Variants in RASGRF2 observed in about 807,000 individuals in gnomAD.
RASGRF2 encodes the protein ras-specific guanine nucleotide-releasing factor 2.
In RASGRF2, 76 loss-of-function variants were observed where a neutral mutation model predicts 151.0. The observed-to-expected ratio is 0.50, with a 90% CI of 0.42 to 0.61. The LOEUF (loss-of-function observed/expected upper bound fraction) is 0.61. RASGRF2 is among the 20% of genes least tolerant of loss of function. The pLI is 0.00. For synonymous variants in RASGRF2, 504 were observed against 566.5 expected (o/e 0.89, Z 1.57); for missense variants, 1,148 against 1,564.6 (o/e 0.73, Z 4.49).
chr5:81,077,052 T>C (rs993544552), intron 5 of RASGRF2, among the ~76,000 whole-genome samples: 1 of 152,164 alleles, frequency 6.6e-6, no homozygotes, highest in African/African-American at 2.4e-5. Context: ...TAATGAGCCA[T>C]GGAATCTAAA....
chr5:80,982,769 T>G (rs994164847), intron 1 of RASGRF2, among the ~76,000 whole-genome samples: 4 of 151,632 alleles, frequency 2.6e-5, no homozygotes, highest in African/African-American at 9.7e-5. Flanking sequence ...CCCGGCTCAT[T>G]TTTTGTATTT....
chr5:81,208,339 G>A lies in RASGRF2; in HGVS notation c.3072-15G>A, dbSNP rs1342695113. ...AAAAACTTAATTGGTTTTGTGTTTT[G>A]TTTTGAACTTCCAGGGAGTTTCTTG... On this transcript the variant is annotated splice_polypyrimidine_tract_variant and intron_variant, in intron 21 of 26. Transcript: ENST00000265080. 4.3e-6 allele frequency: 7 copies of A among 1,610,138 alleles called. No individual in the cohort carries two copies. Among genetic ancestry groups the A allele is most frequent in the African/African-American group, 1.3e-5 (1 of 74,770 alleles).
At chr5:81,041,004 T>C (rs1199370346) in intron 1 of RASGRF2, among the ~76,000 whole-genome samples, 1 of 152,168 alleles carries the variant, frequency 6.6e-6, no homozygotes, top group Admixed American at 6.5e-5. Flanking sequence ...CAATTACGAC[T>C]TAAAAATGTC....
intron 23 of RASGRF2, 52 bp downstream of exon 23, chr5:81,212,615 A>T: frequency 2.0e-6 from 3 of 1,468,786 alleles, no homozygotes; most frequent in Non-Finnish European, 1.8e-6. Flanking sequence ...AGAGGCTGGG[A>T]GATGGGAGCC....
At chr5:81,077,153 A>G (rs1751963537) in intron 5 of RASGRF2, among the ~76,000 whole-genome samples, 2 of 152,198 alleles carry the variant, frequency 1.3e-5, no homozygotes, top group Non-Finnish European at 2.9e-5. Context: ...GTGTGAAAGA[A>G]TTTTGGAGTC....
At chr5:81,126,725 G>A (rs1753464930) in intron 16 of RASGRF2, among the ~76,000 whole-genome samples, 1 of 152,142 alleles carries the variant, frequency 6.6e-6, no homozygotes, top group Admixed American at 6.5e-5. Flanking sequence ...CCATGTTCTA[G>A]CATGCTTTGG....
In RASGRF2 at chr5:81,070,582, G is replaced by C; in HGVS notation, c.633+1G>C. ...TCCAGACATCAAGAAGATTAAAAAG[G>C]TAGGGCCTGGAGGTTTCCAGCTTTG... On this transcript the variant is annotated splice_donor_variant, in intron 4 of 26. Coordinates refer to ENST00000265080, the MANE Select transcript of RASGRF2 (RefSeq NM_006909.3). LOFTEE classifies it high-confidence loss of function. 6.3e-7 allele frequency: 1 copy of C among 1,599,720 alleles called. No homozygotes were observed. Among genetic ancestry groups the C allele is most frequent in the Non-Finnish European group, 8.6e-7 (1 of 1,167,046 alleles).
intron 18 of RASGRF2, among the ~76,000 whole-genome samples, chr5:81,190,159 A>G (rs1303026242): frequency 1.3e-5 from 2 of 152,184 alleles, no homozygotes; most frequent in African/African-American, 4.8e-5. Flanking sequence ...CAGATTCCCC[A>G]TGACAGCCGC....
chr5:80,972,387 G>A (rs150751040), intron 1 of RASGRF2, among the ~76,000 whole-genome samples: 37 of 152,272 alleles, frequency 2.4e-4, no homozygotes, highest in African/African-American at 8.7e-4. Flanking sequence ...TCTAATAGGT[G>A]TGTAGTAACA....
chr5:81,172,380 A>G (rs146748403), intron 17 of RASGRF2, among the ~76,000 whole-genome samples: 40 of 151,950 alleles, frequency 2.6e-4, no homozygotes, highest in Middle Eastern at 3.4e-3. Context: ...TGTATTTTTC[A>G]TCACAAATAA....
rs535326364 is a variant in RASGRF2 at position 81,095,116 on chromosome 5, A to G, written c.1755+124A>G. The G allele has an allele frequency of 8.4e-5, 50 of 598,384 alleles. No homozygotes were observed. The South Asian group carries it at 3.2e-3, about 39-fold the overall frequency. 37.1% of individuals were successfully genotyped at this position (598,384 alleles called of 1,614,324 possible). On this transcript the variant is annotated intron_variant, in intron 12 of 26. Coordinates refer to ENST00000265080, the MANE Select transcript of RASGRF2 (RefSeq NM_006909.3). The stretch of plus-strand genomic sequence containing the variant: ...ACACTCAGTTGCTATGGTCACTGCC[A>G]TAATCACTATGTATCTTGATAAGCT...
intron 1 of RASGRF2, among the ~76,000 whole-genome samples, chr5:80,989,271 A>G (rs984172142): frequency 2.0e-5 from 3 of 152,076 alleles, no homozygotes; most frequent in African/African-American, 7.2e-5. Context: ...GTGCCTGGCC[A>G]TATAATTGGT....
At chr5:81,029,359 T>C (rs1227531525) in intron 1 of RASGRF2, among the ~76,000 whole-genome samples, 1 of 152,176 alleles carries the variant, frequency 6.6e-6, no homozygotes, top group African/African-American at 2.4e-5. Context: ...CTCAAGTGGG[T>C]CCCTGACCCC....
At chr5:81,185,503 C>A (rs1049376486) in intron 18 of RASGRF2, among the ~76,000 whole-genome samples, 1 of 152,124 alleles carries the variant, frequency 6.6e-6, no homozygotes, top group Admixed American at 6.5e-5. Flanking sequence ...TTGAAAATGA[C>A]TCACAGGAGG....
At chr5:81,215,404 G>A (rs942604134) in intron 23 of RASGRF2, among the ~76,000 whole-genome samples, 2 of 151,418 alleles carry the variant, frequency 1.3e-5, no homozygotes, top group Non-Finnish European at 2.9e-5. Context: ...CCGAGTAGCT[G>A]GGATTACAGG....
chr5:81,045,004 C>T (rs1156933673), intron 2 of RASGRF2, among the ~76,000 whole-genome samples: 3 of 152,184 alleles, frequency 2.0e-5, no homozygotes, highest in Non-Finnish European at 4.4e-5. Flanking sequence ...CCCAGGAGAG[C>T]TTGCCACGAG....
chr5:80,961,733 A>T (rs1747564453), intron 1 of RASGRF2, among the ~76,000 whole-genome samples: 1 of 152,218 alleles, frequency 6.6e-6, no homozygotes, highest in African/African-American at 2.4e-5. Context: ...TTGAAAATGA[A>T]TGCGACCTTT....
chr5:81,036,022 T>A (rs1453261595), intron 1 of RASGRF2, among the ~76,000 whole-genome samples: 3 of 152,092 alleles, frequency 2.0e-5, no homozygotes, highest in African/African-American at 7.2e-5. Context: ...TCAGAAGACA[T>A]TTTTAGAATT....
chr5:81,113,364 G>A, intron 14 of RASGRF2, 174 bp from the exon 15 acceptor site: 1 of 739,156 alleles, frequency 1.4e-6, no homozygotes, highest in South Asian at 1.9e-5. Context: ...ATAAGTGTCT[G>A]TGCTTCTTTG....
Sources: gnomAD v4.1 joint callset for allele counts (sites outside exome capture counted in the v4.1 genomes callset) on GRCh38, gnomAD v4.1.1 for gene constraint, MANE v1.5 for transcripts, NCBI Gene and HGNC (gene_info 2026-07-23, HGNC 2026-07-21) for gene names.